The following KDM5A variants were observed in gnomAD, a reference collection of about 807,000 sequenced individuals.
The protein encoded by KDM5A is lysine-specific demethylase 5A.
Under a neutral mutation model 193.5 loss-of-function variants are expected in KDM5A, and 42 were observed. The ratio of observed to expected loss-of-function variants is 0.22; its 90% confidence interval spans 0.17 to 0.28. The LOEUF (loss-of-function observed/expected upper bound fraction) is 0.28, where lower values mean the gene tolerates loss of function less well. Ranked by LOEUF, KDM5A falls within the 10% of genes least tolerant of loss-of-function variation. The pLI is 1.00. For synonymous variants in KDM5A, 796 were observed against 718.1 expected (o/e 1.11, Z -1.73); for missense variants, 1,692 against 2,055.1 (o/e 0.82, Z 3.42).
At chr12:384,286 G>A (rs1944613250) in intron 2 of KDM5A, 133 bp from the exon 3 acceptor site, 1 of 709,536 alleles carries the variant, frequency 1.4e-6, no homozygotes, top group Non-Finnish European at 2.5e-6. Flanking sequence ...CACACAGCAG[G>A]AGGTGAGCAG....
rs191172411 is a variant in KDM5A at position 373,034 on chromosome 12, G to A, written c.367-6930C>T. On this transcript the variant is annotated intron_variant, in intron 3 of 27. Coordinates refer to ENST00000399788, the MANE Select transcript of KDM5A (RefSeq NM_001042603.3). ...GATTTTCGCATCGATGTTCATCAGG[G>A]ATATTGGTCTAAAATTCTCTTTTTT... is the stretch of plus-strand genomic sequence containing the variant. Among the ~76,000 whole-genome samples, 157 of 152,324 alleles carry A rather than the reference G, an allele frequency of 1.0e-3. 2 individuals are homozygous for A. Among genetic ancestry groups the A allele is most frequent in the Admixed American group, 3.6e-3 (55 of 15,298 alleles).
chr12:294,411 G>A (rs1330396358), intron 26 of KDM5A, among the ~76,000 whole-genome samples: 2 of 152,100 alleles, frequency 1.3e-5, no homozygotes, highest in Non-Finnish European at 2.9e-5. Context: ...AGGAACCTAA[G>A]AATCAGCAGA....
intron 22 of KDM5A, 126 bp downstream of exon 22, chr12:309,677 T>C: frequency 7.3e-6 from 7 of 952,688 alleles, no homozygotes; most frequent in Non-Finnish European, 1.1e-5. Context: ...ATGTGAAATA[T>C]GTATAATCAT....
chr12:369,522 G>A (rs4980889), intron 3 of KDM5A, among the ~76,000 whole-genome samples: 3,474 of 152,244 alleles, frequency 0.023, 58 homozygotes, highest in Middle Eastern at 0.037. Context: ...TTAAAAAGCA[G>A]TCAAGGGGCC....
intron 17 of KDM5A, among the ~76,000 whole-genome samples, chr12:321,580 C>G (rs1943717903): frequency 1.3e-5 from 2 of 152,088 alleles, no homozygotes; most frequent in Non-Finnish European, 2.9e-5. Context: ...TGATCAATGT[C>G]TCTAAGAAAA....
At chr12:329,215 A>C (rs929730649) in intron 13 of KDM5A, 186 bp from the exon 14 acceptor site, 1 of 606,334 alleles carries the variant, frequency 1.6e-6, no homozygotes. Flanking sequence ...AGAGTTTCAA[A>C]GGCTTTCCCA....
intron 5 of KDM5A, among the ~76,000 whole-genome samples, chr12:359,186 G>C (rs1250554924): frequency 2.0e-5 from 3 of 152,146 alleles, no homozygotes; most frequent in Non-Finnish European, 4.4e-5. Context: ...AGCTGGATTA[G>C]AGTGTGAATG....
chr12:365,848 G>T, intron 4 of KDM5A, 86 bp downstream of exon 4: 4 of 1,395,894 alleles, frequency 2.9e-6, no homozygotes, highest in Non-Finnish European at 3.0e-6. Context: ...TTTGGTGCCT[G>T]CTAACTTGGG....
rs200908662 is a variant in KDM5A, at chr12:312,037, A to G, written c.3037-973T>C. On this transcript the variant is annotated intron_variant, in intron 20 of 27. Transcript: ENST00000399788. The stretch of plus-strand genomic sequence containing the variant: ...CGACAGAGCAAGACTCTGTCTCAAA[A>G]AAAAAGAACTTGACACCCAGAATAC... Among the ~76,000 whole-genome samples, 22 of 152,354 alleles carry G rather than the reference A, an allele frequency of 1.4e-4. No homozygotes were observed. In the East Asian group the frequency reaches 4.2e-3, roughly 29 times the overall value.
chr12:376,363 G>A (rs551815815), intron 3 of KDM5A, among the ~76,000 whole-genome samples: 22 of 152,340 alleles, frequency 1.4e-4, no homozygotes, highest in Admixed American at 9.2e-4. Context: ...CTCCGTGGGC[G>A]TGGGACCCTC....
chr12:295,838 T>C lies in KDM5A; in HGVS notation c.4235-45A>G, dbSNP rs559097481. On this transcript the variant is annotated intron_variant, in intron 25 of 27. Transcript: ENST00000399788. ...AAAACAAAGCAAAAAAAATTAAAAC[T>C]ATGGAAAAAACATGTTTTCAAAGCA... The C allele has an allele frequency of 5.1e-6, 8 of 1,556,604 alleles. No individual in the cohort carries two copies. In the Admixed American group the frequency reaches 1.2e-4, roughly 23 times the overall value.
At chr12:353,777 C>T (rs1370537149) in intron 8 of KDM5A, among the ~76,000 whole-genome samples, 1 of 152,114 alleles carries the variant, frequency 6.6e-6, no homozygotes, top group Non-Finnish European at 1.5e-5. Context: ...CAAAAATTAG[C>T]TGGGCGTGGT....
At chr12:324,382 G>C (rs1404941249) in intron 14 of KDM5A, among the ~76,000 whole-genome samples, 1 of 152,110 alleles carries the variant, frequency 6.6e-6, no homozygotes, top group Non-Finnish European at 1.5e-5. Flanking sequence ...GGCATTTTGG[G>C]GGTGGCCGGC....
intron 3 of KDM5A, among the ~76,000 whole-genome samples, chr12:369,168 T>C (rs1195884688): frequency 1.3e-5 from 2 of 152,102 alleles, no homozygotes; most frequent in Non-Finnish European, 2.9e-5. Flanking sequence ...AAGCCCTCTC[T>C]GTTCAAACAA....
At chr12:368,431 T>A (rs929666182) in intron 3 of KDM5A, among the ~76,000 whole-genome samples, 12 of 152,162 alleles carry the variant, frequency 7.9e-5, no homozygotes, top group Non-Finnish European at 1.2e-4. Flanking sequence ...GTTCTGTCAC[T>A]TACTAGTTAT....
At chr12:360,023 C>G (rs1050779414) in intron 5 of KDM5A, among the ~76,000 whole-genome samples, 1 of 152,036 alleles carries the variant, frequency 6.6e-6, no homozygotes. Flanking sequence ...CACCTATAAT[C>G]CCAGCACTTT....
intron 18 of KDM5A, among the ~76,000 whole-genome samples, 178 bp from the exon 19 acceptor site, chr12:318,639 C>G (rs1336763092): frequency 6.6e-6 from 1 of 152,172 alleles, no homozygotes; most frequent in East Asian, 1.9e-4. Flanking sequence ...GTAATTACTT[C>G]TAGCTATTCT....
chr12:320,745 G>A (rs1943707187), intron 18 of KDM5A, among the ~76,000 whole-genome samples: 1 of 152,000 alleles, frequency 6.6e-6, no homozygotes, highest in African/African-American at 2.4e-5. Context: ...TTAAATGGGG[G>A]TTCTGAACTA....
Position 318,399 on chromosome 12 carries a change from G to A in KDM5A, c.2604C>T (p.Thr868=). Residue 868 remains threonine, a synonymous_variant, in exon 19 of 28, where the codon ACC becomes ACT. Transcript: ENST00000399788. ...ACATCTGGAGTTTGGAAGAATCTGG[G>A]GTTTCATCCATCATGGCCTCCTGAG... ...ERAQEAMMDE[T]PDSSKLQMLI... is the part of the protein sequence containing the mutation. 6.2e-7 allele frequency: 1 copy of A among 1,613,996 alleles called. No homozygotes were observed. Among genetic ancestry groups the A allele is most frequent in the South Asian group, 1.1e-5 (1 of 91,062 alleles).
Sources: allele counts gnomAD v4.1 joint callset (sites outside exome capture counted in the v4.1 genomes callset), GRCh38; gene constraint gnomAD v4.1.1; transcripts MANE v1.5; gene names NCBI Gene and HGNC (gene_info 2026-07-23, HGNC 2026-07-21).